ZRANB2: variants seen among roughly 807,000 people sequenced by gnomAD.
ZRANB2 encodes the protein zinc finger Ran-binding domain-containing protein 2.
In ZRANB2, 19 loss-of-function variants were observed where a neutral mutation model predicts 53.4. The observed-to-expected ratio is 0.36, with a 90% CI of 0.25 to 0.52. The LOEUF (loss-of-function observed/expected upper bound fraction) is 0.52, where lower values mean the gene tolerates loss of function less well. ZRANB2 is among the 20% of genes least tolerant of loss of function. ZRANB2 has a pLI of 0.93. For synonymous variants in ZRANB2, 145 were observed against 134.8 expected, an observed-to-expected ratio of 1.08 and a Z score of -0.52; for missense variants, 309 against 401.1, an observed-to-expected ratio of 0.77 and a Z score of 1.96.
In ZRANB2 at chr1:71,070,833, C is replaced by G; in HGVS notation, c.677G>C (p.Arg226Thr). The G allele has an allele frequency of 1.3e-6, 2 of 1,587,476 alleles. No individual in the cohort carries two copies. The highest frequency in any genetic ancestry group is 1.7e-6 in the Non-Finnish European group (2 of 1,165,990). The part of the protein sequence containing the change: ...RSSSPSSSRS[R>T]SRSRSRSSSS... ...TTGACCTGTACCCGTTTACCTGGAC[C>G]TAGACCTTGAACTTGAGGGGGAGGA... Residue 226 changes from arginine to threonine, a missense_variant, in exon 7 of 10, where the codon AGG becomes ACG. Around this residue, in one of 3 missense-constraint regions of ZRANB2, gnomAD observed 211 missense variants for 196.1 expected, o/e 1.08. Transcript: ENST00000370920.
At chr1:71,080,040 T>C (rs796190127) in intron 1 of ZRANB2, among the ~76,000 whole-genome samples, 26 of 152,304 alleles carry the variant, frequency 1.7e-4, no homozygotes, top group African/African-American at 6.3e-4. Flanking sequence ...AAATAAGTAA[T>C]AGAATTTTAA....
intron 1 of ZRANB2, among the ~76,000 whole-genome samples, chr1:71,079,746 C>T (rs1661793772): frequency 1.3e-5 from 2 of 152,246 alleles, no homozygotes; most frequent in East Asian, 1.9e-4. Context: ...CTGACAAAAG[C>T]ACATTATTTT....
rs951129500 is a variant in ZRANB2 at position 71,063,502 on chromosome 1, T to TA, written c.*1571dup. ...CATTTGCTTAGTACAGCCAAAGTTT[T>TA]AAATACAGAAAGCACAAGAATAAAC... On this transcript the variant is annotated 3_prime_UTR_variant, in exon 10 of 10. Coordinates refer to ENST00000370920, the MANE Select transcript of ZRANB2 (RefSeq NM_203350.3). 5 of 152,382 alleles carry TA rather than the reference T, an allele frequency of 3.3e-5. No individual in the cohort carries two copies. The Admixed American group carries it at 3.3e-4, about 10-fold the overall frequency. 9.4% of individuals were successfully genotyped at this position (152,382 alleles called of 1,614,324 possible).
At chr1:71,073,260 A>T (rs1308893092) in intron 4 of ZRANB2, among the ~76,000 whole-genome samples, 1 of 152,094 alleles carries the variant, frequency 6.6e-6, no homozygotes, top group East Asian at 1.9e-4. Flanking sequence ...GACTGGAATT[A>T]AAGAAAATGA....
In ZRANB2 at chr1:71,070,882, G is replaced by A; in HGVS notation, c.628C>T (p.His210Tyr). 6.2e-7 allele frequency: 1 copy of A among 1,610,734 alleles called. No homozygotes were observed. ...GATGAGCGTGATGAAGATCGTGAAT[G>A]TGAAGATCGAGACTTTGAGCGACTT... ...RRSRSKSRSSHSRSSSRSSSP... is the reference protein window; with the variant it reads ...RRSRSKSRSSYSRSSSRSSSP... Residue 210 changes from histidine (H) to tyrosine (Y), a missense_variant, in exon 7 of 10, where the codon CAT (histidine) becomes TAT (tyrosine). Around this residue, in one of 3 missense-constraint regions of ZRANB2, gnomAD observed 211 missense variants for 196.1 expected, o/e 1.08. Transcript: ENST00000370920.
chr1:71,075,800 T>G (rs1024421371), intron 4 of ZRANB2, among the ~76,000 whole-genome samples: 3 of 150,822 alleles, frequency 2.0e-5, no homozygotes, highest in Non-Finnish European at 4.4e-5. Context: ...TTCCTAAGAA[T>G]AAGGCAGGAT....
chr1:71,077,023 G>A (rs889557809), intron 3 of ZRANB2, 146 bp from the exon 4 acceptor site: 1 of 673,172 alleles, frequency 1.5e-6, no homozygotes, highest in African/African-American at 1.8e-5. Flanking sequence ...CAAAGAAAAT[G>A]TACAGTGGCC....
intron 1 of ZRANB2, among the ~76,000 whole-genome samples, chr1:71,080,313 G>C (rs1220057635): frequency 3.9e-5 from 6 of 152,116 alleles, no homozygotes; most frequent in Admixed American, 1.3e-4. Flanking sequence ...GGCATCTTAA[G>C]GGCTGAGTAG....
At chr1:71,080,031 A>C (rs1661802150) in intron 1 of ZRANB2, among the ~76,000 whole-genome samples, 2 of 152,204 alleles carry the variant, frequency 1.3e-5, no homozygotes, top group Admixed American at 6.5e-5. Flanking sequence ...TTAGCAGTTA[A>C]ATAAGTAATA....
At chr1:71,069,837 G>A (rs1661557149) in intron 7 of ZRANB2, among the ~76,000 whole-genome samples, 1 of 152,036 alleles carries the variant, frequency 6.6e-6, no homozygotes, top group Non-Finnish European at 1.5e-5. Context: ...AATGCTTAGA[G>A]AATTAAAGGG....
chr1:71,067,277 G>T (rs764893667), intron 8 of ZRANB2: 1 of 179,210 alleles, frequency 5.6e-6, no homozygotes, highest in African/African-American at 2.4e-5. Context: ...AGGACTTTAC[G>T]TTTAGGAACT....
intron 4 of ZRANB2, among the ~76,000 whole-genome samples, chr1:71,075,443 C>T (rs1436728904): frequency 2.6e-5 from 4 of 152,088 alleles, no homozygotes; most frequent in Non-Finnish European, 4.4e-5. Context: ...ATGAGTTTGA[C>T]ATTTGCATGG....
chr1:71,068,385 C>G (rs903348383), intron 8 of ZRANB2, among the ~76,000 whole-genome samples: 4 of 152,092 alleles, frequency 2.6e-5, no homozygotes, highest in Non-Finnish European at 5.9e-5. Context: ...AATAAATTAA[C>G]TTAAAAACAA....
At chr1:71,070,708 G>T in intron 7 of ZRANB2, 119 bp downstream of exon 7, 1 of 603,496 alleles carries the variant, frequency 1.7e-6, no homozygotes, top group Non-Finnish European at 2.7e-6. Context: ...AAGTTGATTT[G>T]AATTAAATTT....
rs549653110 is a variant in ZRANB2, at chr1:71,068,546, T to C, written c.770+730A>G. On this transcript the variant is annotated intron_variant, in intron 8 of 9. Coordinates refer to ENST00000370920, the MANE Select transcript of ZRANB2 (RefSeq NM_203350.3). ...ACATCCTATCTCAACTAACCGACTA[T>C]ACTTCCTGATTTAGTTTTGAGTGTT... Among the ~76,000 whole-genome samples the C allele has an allele frequency of 1.7e-3, 256 of 148,918 alleles. 1 individual carries two copies. The highest frequency in any genetic ancestry group is 6.1e-3 in the African/African-American group (235 of 38,420).
rs979470437 is a variant in ZRANB2 at position 71,066,603 on chromosome 1, C to A, written c.929+173G>T. 9.8e-6 allele frequency: 5 copies of A among 510,822 alleles called. No individual in the cohort carries two copies. The Admixed American group carries it at 1.7e-4, about 17-fold the overall frequency. The allele number at this position is 510,822 out of a possible 1,614,324, so 31.6% of individuals were successfully genotyped here. ...TGGTTTGATCTACAATTCTAAACAA[C>A]CTGATCAAAGTACAAAGGATAAGCA... On this transcript the variant is annotated intron_variant, in intron 9 of 9. Coordinates refer to ENST00000370920, the MANE Select transcript of ZRANB2 (RefSeq NM_203350.3).
At chr1:71,076,942 T>A in intron 3 of ZRANB2, 65 bp from the exon 4 acceptor site, 1 of 1,200,116 alleles carries the variant, frequency 8.3e-7, no homozygotes. Flanking sequence ...TTTTTAGATA[T>A]TTTACAATTT....
intron 4 of ZRANB2, among the ~76,000 whole-genome samples, chr1:71,072,823 CT>C (rs1661623978): frequency 2.6e-5 from 4 of 152,092 alleles, no homozygotes; most frequent in African/African-American, 9.7e-5. Context: ...TGGAAAACAT[CT>C]CAAACTTCTG....
intron 1 of ZRANB2, among the ~76,000 whole-genome samples, chr1:71,080,704 G>T (rs1661824809): frequency 6.6e-6 from 1 of 152,040 alleles, no homozygotes; most frequent in African/African-American, 2.4e-5. Context: ...AAAAAGAGAG[G>T]CTACCTTGCG....
Sources: allele counts gnomAD v4.1 joint callset (sites outside exome capture counted in the v4.1 genomes callset), GRCh38; gene constraint gnomAD v4.1.1; regional missense constraint gnomAD v4.1.1; transcripts MANE v1.5; gene names NCBI Gene and HGNC (gene_info 2026-07-23, HGNC 2026-07-21).